Variants in LEKR1 observed in about 807,000 individuals in gnomAD.
The protein encoded by LEKR1 is leucine, glutamate and lysine rich 1, also known as protein LEKR1.
Under a neutral mutation model 72.4 loss-of-function variants are expected in LEKR1, and 59 were observed. The observed-to-expected ratio is 0.82, with a 90% CI of 0.66 to 1.01. The LOEUF (loss-of-function observed/expected upper bound fraction) is 1.01. Ranked by LOEUF, LEKR1 falls within the 50% of genes least tolerant of loss-of-function variation. The probability of loss-of-function intolerance (pLI) is 0.00; values close to 1 mark genes in which losing one functional copy is unlikely to be tolerated. For synonymous variants in LEKR1, 257 were observed against 263.2 expected, an observed-to-expected ratio of 0.98 and a Z score of 0.23; for missense variants, 728 against 759.2, an observed-to-expected ratio of 0.96 and a Z score of 0.48.
intron 6 of LEKR1, among the ~76,000 whole-genome samples, chr3:156,973,795 G>C (rs1344557838): frequency 6.6e-6 from 1 of 152,126 alleles, no homozygotes; most frequent in African/African-American, 2.4e-5. Context: ...AAAGGAAGCA[G>C]AGAACTGCAA....
chr3:156,951,627 G>A (rs1476237129), intron 6 of LEKR1, among the ~76,000 whole-genome samples: 1 of 151,456 alleles, frequency 6.6e-6, no homozygotes, highest in Non-Finnish European at 1.5e-5. Context: ...TCTCTTCTAG[G>A]TTTTCTAGTT....
At chr3:156,904,674 A>G (rs1239328627) in intron 3 of LEKR1, among the ~76,000 whole-genome samples, 1 of 150,698 alleles carries the variant, frequency 6.6e-6, no homozygotes, top group Non-Finnish European at 1.5e-5. Context: ...ATATATATAT[A>G]TATTTGGAGA....
intron 2 of LEKR1, among the ~76,000 whole-genome samples, chr3:156,849,733 C>A (rs1715101712): frequency 6.6e-6 from 1 of 152,176 alleles, no homozygotes; most frequent in Non-Finnish European, 1.5e-5. Context: ...GGATCCCTTC[C>A]TTGCACCTTA....
chr3:156,948,808 C>G (rs1320685757), intron 6 of LEKR1, among the ~76,000 whole-genome samples: 1 of 151,522 alleles, frequency 6.6e-6, no homozygotes, highest in Admixed American at 6.6e-5. Context: ...GTCCTTTTCT[C>G]TGCAAACTCA....
chr3:157,014,399 G>A (rs1298743352), intron 10 of LEKR1, among the ~76,000 whole-genome samples: 1 of 151,986 alleles, frequency 6.6e-6, no homozygotes, highest in East Asian at 1.9e-4. Flanking sequence ...AAATGCAGGT[G>A]AGAAAAGTTT....
chr3:156,998,591 T>A (rs1409634917), intron 9 of LEKR1, among the ~76,000 whole-genome samples: 1 of 152,180 alleles, frequency 6.6e-6, no homozygotes, highest in East Asian at 1.9e-4. Context: ...AAAAGCTTAA[T>A]CGTAATTAAA....
At chr3:156,840,014 C>T (rs1180741198) in intron 2 of LEKR1, among the ~76,000 whole-genome samples, 1 of 152,156 alleles carries the variant, frequency 6.6e-6, no homozygotes, top group Admixed American at 6.5e-5. Context: ...CCTCTTCCTC[C>T]TCAGCCTGCT....
chr3:157,043,405 T>G (rs1299234722), intron 12 of LEKR1, among the ~76,000 whole-genome samples: 1 of 151,176 alleles, frequency 6.6e-6, no homozygotes, highest in Non-Finnish European at 1.5e-5. Context: ...CTTTGATTAA[T>G]AGAACTTAGA....
At position 157,045,395 on chromosome 3, in the gene LEKR1, C is replaced by CA. The variant is rs753989042; in HGVS notation, c.1725dup (p.Glu576ArgfsTer15). ...GAATGTGAAGAACGCTTTGAACTGACAGAGGCTTTGAGTCAAGCCAGAGAA... is the reference window on the plus strand; with the variant it reads ...GAATGTGAAGAACGCTTTGAACTGACAAGAGGCTTTGAGTCAAGCCAGAGAA... On this transcript the variant is annotated frameshift_variant, in exon 13 of 13. Coordinates refer to ENST00000356539, the MANE Select transcript of LEKR1 (RefSeq NM_001004316.3). LOFTEE classifies it low-confidence loss of function (END_TRUNC). 1 of 1,614,058 alleles carries CA rather than the reference C, an allele frequency of 6.2e-7. No individual in the cohort carries two copies. Among genetic ancestry groups the CA allele is most frequent in the East Asian group, 2.2e-5 (1 of 44,888 alleles).
At chr3:156,913,493 T>G (rs544056112) in intron 3 of LEKR1, among the ~76,000 whole-genome samples, 1 of 152,352 alleles carries the variant, frequency 6.6e-6, no homozygotes, top group South Asian at 2.1e-4. Context: ...TTTAGGCTTC[T>G]AGATGTTCTT....
chr3:156,980,626 G>A (rs1438258210), intron 7 of LEKR1, among the ~76,000 whole-genome samples: 3 of 152,154 alleles, frequency 2.0e-5, no homozygotes, highest in Non-Finnish European at 4.4e-5. Flanking sequence ...GTTTGGCCAT[G>A]TGGATATCTC....
chr3:156,987,934 A>T (rs961647539), intron 7 of LEKR1, among the ~76,000 whole-genome samples: 1 of 152,236 alleles, frequency 6.6e-6, no homozygotes. Context: ...TGGGAGATCT[A>T]CTGAGTAATC....
At chr3:156,989,291 T>G (rs1014916539) in intron 7 of LEKR1, among the ~76,000 whole-genome samples, 1 of 152,190 alleles carries the variant, frequency 6.6e-6, no homozygotes, top group African/African-American at 2.4e-5. Flanking sequence ...GAATGTCAAG[T>G]TTTTTATTTG....
At chr3:156,964,621 CT>C in intron 6 of LEKR1, among the ~76,000 whole-genome samples, 1 of 152,060 alleles carries the variant, frequency 6.6e-6, no homozygotes, top group African/African-American at 2.4e-5. Context: ...GAGAAAACTC[CT>C]TGTCTTTTGC....
rs571325432 is a variant in LEKR1, at chr3:157,032,673, T to C, written c.1668+4271T>C. Among the ~76,000 whole-genome samples the C allele has an allele frequency of 2.0e-5, 3 of 152,286 alleles. No individual in the cohort carries two copies. In the East Asian group the frequency reaches 5.8e-4, roughly 29 times the overall value. ...TACTGAAACCTAATGCCCGTGAGGATTGGGGATGGGAGGATTCAAAATGGA... is the reference window on the plus strand; with the variant it reads ...TACTGAAACCTAATGCCCGTGAGGACTGGGGATGGGAGGATTCAAAATGGA... On this transcript the variant is annotated intron_variant, in intron 12 of 12. Transcript: ENST00000356539.
intron 3 of LEKR1, among the ~76,000 whole-genome samples, chr3:156,909,492 A>G (rs539708846): frequency 6.6e-6 from 1 of 152,142 alleles, no homozygotes; most frequent in East Asian, 1.9e-4. Context: ...TCTACTAAAA[A>G]TACAAAAATT....
intron 3 of LEKR1, among the ~76,000 whole-genome samples, chr3:156,913,224 G>A (rs764040741): frequency 9.9e-5 from 15 of 152,242 alleles, no homozygotes; most frequent in Non-Finnish European, 1.6e-4. Flanking sequence ...TCTTTTTGCA[G>A]TATGGCTATT....
chr3:156,971,493 A>G (rs1204925939), intron 6 of LEKR1, among the ~76,000 whole-genome samples: 1 of 152,220 alleles, frequency 6.6e-6, no homozygotes, highest in Non-Finnish European at 1.5e-5. Flanking sequence ...GACAAATGGG[A>G]TCTAATTGAA....
intron 6 of LEKR1, among the ~76,000 whole-genome samples, chr3:156,952,218 G>C (rs1385561925): frequency 6.6e-6 from 1 of 151,416 alleles, no homozygotes; most frequent in African/African-American, 2.4e-5. Context: ...CTGCTGATGG[G>C]ATGGCCCCAG....
Sources: gnomAD v4.1 joint callset for allele counts (sites outside exome capture counted in the v4.1 genomes callset) on GRCh38, gnomAD v4.1.1 for gene constraint, MANE v1.5 for transcripts, NCBI Gene and HGNC (gene_info 2026-07-23, HGNC 2026-07-21) for gene names.